The following IGF1 variants were observed in gnomAD, a reference collection of about 807,000 sequenced individuals.
The protein encoded by IGF1 is insulin-like growth factor 1.
Under a neutral mutation model 13.8 loss-of-function variants are expected in IGF1, and 4 were observed. That is an observed-to-expected ratio of 0.29 (90% CI 0.14 to 0.66). The LOEUF (loss-of-function observed/expected upper bound fraction) is 0.66, where lower values mean the gene tolerates loss of function less well. IGF1 is among the 30% of genes least tolerant of loss of function. The pLI, the probability that IGF1 is intolerant of heterozygous loss-of-function variation, is 0.78. For missense variants in IGF1, 124 were observed against 188.5 expected (o/e 0.66, Z 2.00); for synonymous variants, 76 against 72.6 (o/e 1.05, Z -0.23).
intron 2 of IGF1, 123 bp from the exon 3 acceptor site, chr12:102,419,813 T>C: frequency 1.1e-6 from 1 of 889,974 alleles, no homozygotes; most frequent in East Asian, 2.6e-5. Flanking sequence ...CTCAACCTCT[T>C]CTTGAAACTT....
At chr12:102,478,405 A>G in intron 1 of IGF1, 1 of 882,768 alleles carries the variant, frequency 1.1e-6, no homozygotes, top group Admixed American at 3.4e-5. Context: ...GATAAATGGA[A>G]TATTAATTGA....
intron 2 of IGF1, among the ~76,000 whole-genome samples, chr12:102,474,648 G>A (rs1198176996): frequency 1.3e-5 from 2 of 152,180 alleles, no homozygotes; most frequent in African/African-American, 4.8e-5. Context: ...GAGGTAAGCT[G>A]TCTACACTGG....
chr12:102,454,136 A>G (rs1592806884), intron 2 of IGF1, among the ~76,000 whole-genome samples: 1 of 152,178 alleles, frequency 6.6e-6, no homozygotes, highest in African/African-American at 2.4e-5. Flanking sequence ...TTTGCTGTCT[A>G]TGTGCTCTTC....
chr12:102,437,815 C>A (rs921544387), intron 2 of IGF1, among the ~76,000 whole-genome samples: 1 of 152,112 alleles, frequency 6.6e-6, no homozygotes, highest in Non-Finnish European at 1.5e-5. Context: ...ATGAGGTGAT[C>A]GATATGCTAA....
chr12:102,473,889 G>A (rs12821878), intron 2 of IGF1, among the ~76,000 whole-genome samples: 26,144 of 152,048 alleles, frequency 0.17, 2,834 homozygotes, highest in Admixed American at 0.27. Flanking sequence ...AACATCATAG[G>A]CATAGAAAGA....
At chr12:102,441,903 A>ACTGCTGCTGCTG (rs142314979) in intron 2 of IGF1, among the ~76,000 whole-genome samples, 499 of 27,366 alleles carry the variant, frequency 0.018, 28 homozygotes, top group African/African-American at 0.04. Context: ...ATTCTATTAC[A>ACTGCTGCTGCTG]CTGCTTCTTC....
intron 1 of IGF1, chr12:102,478,772 T>C (rs925042405): frequency 2.0e-5 from 13 of 635,342 alleles, no homozygotes; most frequent in African/African-American, 3.7e-5. Context: ...ATGCCTATTG[T>C]AGCAGCCCAG....
intron 2 of IGF1, among the ~76,000 whole-genome samples, chr12:102,426,976 G>A (rs573466987): frequency 1.3e-3 from 194 of 152,230 alleles, no homozygotes; most frequent in Non-Finnish European, 1.8e-3. Context: ...GGAGTTTACG[G>A]TAGGCTAGGT....
rs372361028 is a variant in IGF1 at position 102,419,505 on chromosome 12, T to C, written c.402+4A>G. ...ATGGCTGGATCCCACCCAGGTGGGC[T>C]TACCTTCTGGGTCTTGGGCATGTCG... On this transcript the variant is annotated splice_donor_region_variant and intron_variant, in intron 3 of 3. Coordinates refer to ENST00000337514, the MANE Select transcript of IGF1 (RefSeq NM_000618.5). The C allele has an allele frequency of 1.2e-6, 2 of 1,611,912 alleles. No homozygotes were observed. The highest frequency in any genetic ancestry group is 1.7e-6 in the Non-Finnish European group (2 of 1,179,256).
At chr12:102,478,317 G>T (rs945148988) in intron 1 of IGF1, among the ~76,000 whole-genome samples, 9 of 144,342 alleles carry the variant, frequency 6.2e-5, no homozygotes, top group African/African-American at 1.5e-4. Flanking sequence ...GAGAAAAAAA[G>T]AAAAAAAAAT....
chr12:102,466,567 C>T (rs372836114), intron 2 of IGF1, among the ~76,000 whole-genome samples: 5 of 152,120 alleles, frequency 3.3e-5, no homozygotes, highest in Non-Finnish European at 5.9e-5. Flanking sequence ...TTGCCAATGG[C>T]GCTTGGGGAA....
intron 3 of IGF1, among the ~76,000 whole-genome samples, chr12:102,419,272 TG>T (rs1875454143): frequency 1.3e-5 from 2 of 152,212 alleles, no homozygotes; most frequent in African/African-American, 4.8e-5. Flanking sequence ...AGCCCATGTT[TG>T]TTTAGCCACT....
intron 3 of IGF1, among the ~76,000 whole-genome samples, chr12:102,418,170 C>T (rs1469902349): frequency 6.6e-6 from 1 of 152,238 alleles, no homozygotes; most frequent in Admixed American, 6.5e-5. Context: ...CTTTGGGACT[C>T]ATCTCTTGAC....
In IGF1 at chr12:102,475,771, T is replaced by C. The variant is rs181465723; in HGVS notation, c.92A>G (p.His31Arg). Residue 31 changes from histidine to arginine, a missense_variant, in exon 2 of 4, where the codon CAT becomes CGT. Coordinates refer to ENST00000337514, the MANE Select transcript of IGF1 (RefSeq NM_000618.5). ...KVKMHTMSSS[H>R]LFYLALCLLT... ...CAGGCACAGCGCCAGGTAGAAGAGATGCGAGGAGGACATGGTGTGCATCTT... is the reference window on the plus strand; with the variant it reads ...CAGGCACAGCGCCAGGTAGAAGAGACGCGAGGAGGACATGGTGTGCATCTT... 1 of 1,614,076 alleles carries C rather than the reference T, an allele frequency of 6.2e-7. No individual in the cohort carries two copies. The highest frequency in any genetic ancestry group is 2.2e-5 in the East Asian group (1 of 44,872).
intron 2 of IGF1, among the ~76,000 whole-genome samples, chr12:102,435,183 C>G (rs538965406): frequency 2.0e-5 from 3 of 152,208 alleles, no homozygotes; most frequent in East Asian, 3.9e-4. Context: ...TAAAGAAGAG[C>G]CTTGAGCATA....
intron 1 of IGF1, chr12:102,478,663 T>G (rs1881222315): frequency 7.3e-7 from 1 of 1,367,398 alleles, no homozygotes; most frequent in Admixed American, 2.9e-5. Context: ...ATTATGAGCC[T>G]GGGTAAACTG....
At chr12:102,417,548 T>G in intron 3 of IGF1, 1 of 1,165,768 alleles carries the variant, frequency 8.6e-7, no homozygotes, top group Non-Finnish European at 1.1e-6. Context: ...AGTGTGTCTT[T>G]TTTTGCCTCT....
At chr12:102,418,424 C>T (rs531028951) in intron 3 of IGF1, among the ~76,000 whole-genome samples, 140 of 152,368 alleles carry the variant, frequency 9.2e-4, no homozygotes, top group African/African-American at 2.9e-3. Flanking sequence ...CACCATGGTC[C>T]TCTTCCAGCC....
chr12:102,477,192 C>T (rs1881103694), intron 1 of IGF1, among the ~76,000 whole-genome samples: 3 of 150,904 alleles, frequency 2.0e-5, no homozygotes, highest in Non-Finnish European at 2.9e-5. Flanking sequence ...TTTAGTGGCT[C>T]TATATCAGTG....
Sources: allele counts gnomAD v4.1 joint callset (sites outside exome capture counted in the v4.1 genomes callset), GRCh38; gene constraint gnomAD v4.1.1; transcripts MANE v1.5; gene names NCBI Gene and HGNC (gene_info 2026-07-23, HGNC 2026-07-21).